Variants in RASAL2 observed in about 807,000 individuals in gnomAD.
The protein encoded by RASAL2 is ras GTPase-activating protein nGAP.
In RASAL2, 58 loss-of-function variants were observed where a neutral mutation model predicts 128.9. The ratio of observed to expected loss-of-function variants is 0.45; its 90% CI spans 0.36 to 0.56. The LOEUF is 0.56. Ranked by LOEUF, RASAL2 falls within the 20% of genes least tolerant of loss-of-function variation. The pLI, the probability that RASAL2 is intolerant of heterozygous loss-of-function variation, is 0.00. For synonymous variants in RASAL2, 561 were observed against 580.8 expected, an observed-to-expected ratio of 0.97 and a Z score of 0.49; for missense variants, 1,360 against 1,601.6, an observed-to-expected ratio of 0.85 and a Z score of 2.57.
chr1:178,448,482 T>C (rs1441147172), intron 9 of RASAL2, among the ~76,000 whole-genome samples: 1 of 152,196 alleles, frequency 6.6e-6, no homozygotes, highest in African/African-American at 2.4e-5. Flanking sequence ...AGATTTTTTG[T>C]CTTCCTGCTT....
chr1:178,105,864 C>G (rs905582565), intron 1 of RASAL2, among the ~76,000 whole-genome samples: 6 of 151,914 alleles, frequency 3.9e-5, no homozygotes, highest in African/African-American at 1.5e-4. Context: ...TTTGTAGAGA[C>G]GAGGTCTCAC....
chr1:178,314,792 T>A (rs1358812303), intron 3 of RASAL2, among the ~76,000 whole-genome samples: 1 of 152,150 alleles, frequency 6.6e-6, no homozygotes, highest in East Asian at 1.9e-4. Flanking sequence ...TATTTATTTA[T>A]TTATTTTTTA....
chr1:178,120,826 C>T (rs567478941), intron 1 of RASAL2: 6 of 152,396 alleles, frequency 3.9e-5, no homozygotes, highest in South Asian at 2.1e-4. Flanking sequence ...CAGTAGGGTT[C>T]GTGCTCCCAT....
intron 4 of RASAL2, among the ~76,000 whole-genome samples, chr1:178,415,604 G>C (rs1273400632): frequency 6.6e-6 from 1 of 151,994 alleles, no homozygotes; most frequent in Admixed American, 6.6e-5. Context: ...GTGTTTTGGA[G>C]TTCAACTATG....
chr1:178,422,756 A>C (rs1025275644), intron 5 of RASAL2, among the ~76,000 whole-genome samples: 1 of 152,120 alleles, frequency 6.6e-6, no homozygotes, highest in Non-Finnish European at 1.5e-5. Context: ...ACAGTGTCTA[A>C]ATCTAAGTAG....
intron 1 of RASAL2, among the ~76,000 whole-genome samples, chr1:178,101,272 T>A (rs1252945397): frequency 6.6e-6 from 1 of 152,218 alleles, no homozygotes; most frequent in Admixed American, 6.5e-5. Context: ...AAGTTATCAC[T>A]TTCCTAATCT....
intron 1 of RASAL2, among the ~76,000 whole-genome samples, chr1:178,217,438 A>G (rs938130498): frequency 1.3e-5 from 2 of 152,178 alleles, no homozygotes; most frequent in Non-Finnish European, 2.9e-5. Flanking sequence ...ACATCAACAC[A>G]TCATCACCAC....
At chr1:178,214,174 G>T (rs1187318112) in intron 1 of RASAL2, among the ~76,000 whole-genome samples, 2 of 152,084 alleles carry the variant, frequency 1.3e-5, no homozygotes, top group Admixed American at 6.5e-5. Context: ...GGAGGCTGAA[G>T]CAAGTGGATC....
intron 1 of RASAL2, among the ~76,000 whole-genome samples, chr1:178,124,767 G>A (rs1033920988): frequency 6.6e-6 from 1 of 151,988 alleles, no homozygotes; most frequent in African/African-American, 2.4e-5. Context: ...TTTCAGAATT[G>A]CCCCGCCCTC....
intron 1 of RASAL2, among the ~76,000 whole-genome samples, chr1:178,140,313 C>G (rs150652545): frequency 1.1e-3 from 164 of 152,272 alleles, no homozygotes; most frequent in African/African-American, 3.7e-3. Context: ...ACATTTGTTG[C>G]AGTTGATGAA....
intron 3 of RASAL2, among the ~76,000 whole-genome samples, chr1:178,354,370 T>C (rs1433046086): frequency 6.6e-6 from 1 of 152,196 alleles, no homozygotes; most frequent in Non-Finnish European, 1.5e-5. Context: ...TAGTGATATC[T>C]ACAAAAACCC....
intron 3 of RASAL2, among the ~76,000 whole-genome samples, chr1:178,320,512 C>G (rs56212825): frequency 0.072 from 10,915 of 152,236 alleles, 775 homozygotes; most frequent in African/African-American, 0.18. Flanking sequence ...GTTTTTTAAG[C>G]CGGTCTGAAA....
chr1:178,305,405 A>G (rs1436663275), intron 3 of RASAL2, among the ~76,000 whole-genome samples: 1 of 152,240 alleles, frequency 6.6e-6, no homozygotes, highest in Non-Finnish European at 1.5e-5. Context: ...ATTACAGTAC[A>G]GAGGTATAGT....
chr1:178,114,988 C>T (rs1032227126), intron 1 of RASAL2, among the ~76,000 whole-genome samples: 7 of 152,176 alleles, frequency 4.6e-5, no homozygotes, highest in Non-Finnish European at 8.8e-5. Flanking sequence ...TCTTTGGTTT[C>T]AGAATATGCT....
intron 1 of RASAL2, among the ~76,000 whole-genome samples, chr1:178,102,104 T>C (rs1420181743): frequency 4.6e-5 from 7 of 152,144 alleles, no homozygotes; most frequent in Non-Finnish European, 1.0e-4. Context: ...TGAAGGAAAT[T>C]TGAATTTCAT....
intron 1 of RASAL2, among the ~76,000 whole-genome samples, chr1:178,253,601 A>G (rs1296837197): frequency 1.3e-5 from 2 of 151,990 alleles, no homozygotes; most frequent in Non-Finnish European, 2.9e-5. Flanking sequence ...GAAGGGAGAT[A>G]GGGGTGGGGC....
chr1:178,333,367 C>G lies in RASAL2; in HGVS notation c.457+33249C>G, dbSNP rs1669435340. On this transcript the variant is annotated intron_variant, in intron 3 of 17. Transcript: ENST00000367649. ...TCTTTTATTCTCTGAATTTTGTCAT[C>G]CATAAAATATCCCTCAAATATTAGA... 2.0e-5 allele frequency among the ~76,000 whole-genome samples: 3 copies of G among 152,162 alleles called. No individual in the cohort carries two copies. The South Asian group carries it at 6.2e-4, about 32-fold the overall frequency.
intron 1 of RASAL2, among the ~76,000 whole-genome samples, chr1:178,282,175 G>A (rs1385365301): frequency 6.6e-6 from 1 of 152,136 alleles, no homozygotes; most frequent in African/African-American, 2.4e-5. Flanking sequence ...CTAAGAATTA[G>A]TAACATGTCT....
chr1:178,096,723 C>G (rs1459359044), intron 1 of RASAL2, among the ~76,000 whole-genome samples: 4 of 151,930 alleles, frequency 2.6e-5, no homozygotes, highest in Admixed American at 2.6e-4. Flanking sequence ...TGCAGACTTA[C>G]CACTGCATTG....
Sources: allele counts gnomAD v4.1 joint callset (sites outside exome capture counted in the v4.1 genomes callset), GRCh38; gene constraint gnomAD v4.1.1; transcripts MANE v1.5; gene names NCBI Gene and HGNC (gene_info 2026-07-23, HGNC 2026-07-21).